Variants in KCNIP4 observed in about 807,000 individuals in gnomAD.
KCNIP4 encodes the protein potassium voltage-gated channel interacting protein 4, also known as Kv channel-interacting protein 4.
KCNIP4 carries 12 observed loss-of-function variants against 34.0 expected under a neutral mutation model. The ratio of observed to expected loss-of-function variants is 0.35; its 90% CI spans 0.23 to 0.57. The LOEUF (loss-of-function observed/expected upper bound fraction) is 0.57. Among genes scored for constraint, KCNIP4 ranks in the 20% least tolerant of loss-of-function variants. KCNIP4 has a pLI of 0.83. For missense variants in KCNIP4, 238 were observed against 311.7 expected, an observed-to-expected ratio of 0.76 and a Z score of 1.78; for synonymous variants, 124 against 102.2, an observed-to-expected ratio of 1.21 and a Z score of -1.29.
At chr4:20,771,177 A>G (rs141989180) in intron 3 of KCNIP4, among the ~76,000 whole-genome samples, 3 of 152,148 alleles carry the variant, frequency 2.0e-5, no homozygotes, top group East Asian at 1.9e-4. Flanking sequence ...AGATGACTGC[A>G]TGGAGATGAT....
chr4:21,646,498 C>T (rs772364290), intron 1 of KCNIP4, among the ~76,000 whole-genome samples: 1 of 152,172 alleles, frequency 6.6e-6, no homozygotes, highest in Non-Finnish European at 1.5e-5. Flanking sequence ...TATATTGAAT[C>T]GCTATAGAAT....
intron 1 of KCNIP4, among the ~76,000 whole-genome samples, chr4:21,002,280 C>T (rs1315910574): frequency 6.6e-6 from 1 of 152,180 alleles, no homozygotes; most frequent in East Asian, 1.9e-4. Flanking sequence ...TTTCAATGTG[C>T]ATTCTGAAAG....
intron 1 of KCNIP4, among the ~76,000 whole-genome samples, chr4:20,979,491 C>T (rs1192833406): frequency 1.3e-5 from 2 of 151,522 alleles, no homozygotes; most frequent in African/African-American, 4.9e-5. Context: ...CTCCGCCTCC[C>T]GGGTTCACGC....
chr4:20,753,559 A>G (rs760243422), intron 4 of KCNIP4, among the ~76,000 whole-genome samples: 3 of 152,176 alleles, frequency 2.0e-5, no homozygotes, highest in Admixed American at 6.5e-5. Context: ...AATGAAATCA[A>G]TCTGGTTTAT....
intron 1 of KCNIP4, among the ~76,000 whole-genome samples, chr4:21,207,923 A>G (rs1756962185): frequency 6.8e-6 from 1 of 147,768 alleles, no homozygotes; most frequent in Admixed American, 6.8e-5. Flanking sequence ...GCTCACTGCA[A>G]CCTCCACCTC....
intron 1 of KCNIP4, chr4:21,303,937 A>G: frequency 6.2e-7 from 1 of 1,612,216 alleles, no homozygotes; most frequent in Non-Finnish European, 8.5e-7. Flanking sequence ...GACCACAGCC[A>G]CTGAGAAGTG....
chr4:21,614,776 A>C (rs1054570805), intron 1 of KCNIP4, among the ~76,000 whole-genome samples: 6 of 152,092 alleles, frequency 3.9e-5, no homozygotes, highest in African/African-American at 1.4e-4. Context: ...AACCCATCAA[A>C]AAAGCTGACA....
intron 1 of KCNIP4, among the ~76,000 whole-genome samples, chr4:21,608,632 T>G (rs572606941): frequency 2.0e-5 from 3 of 152,320 alleles, no homozygotes; most frequent in Admixed American, 2.0e-4. Context: ...CTTTATCACA[T>G]CTGCCAGGTC....
intron 1 of KCNIP4, among the ~76,000 whole-genome samples, chr4:21,338,199 A>C (rs1578097030): frequency 7.0e-6 from 1 of 141,928 alleles, no homozygotes; most frequent in East Asian, 2.2e-4. Context: ...CGGGAGGCGC[A>C]GTTTGCAGTG....
At chr4:21,592,442 T>C (rs926380725) in intron 1 of KCNIP4, among the ~76,000 whole-genome samples, 1 of 152,144 alleles carries the variant, frequency 6.6e-6, no homozygotes, top group Non-Finnish European at 1.5e-5. Flanking sequence ...ACAAGTTTTC[T>C]TAGACAAAAC....
chr4:21,191,918 A>G (rs1458657844), intron 1 of KCNIP4, among the ~76,000 whole-genome samples: 1 of 152,200 alleles, frequency 6.6e-6, no homozygotes, highest in Non-Finnish European at 1.5e-5. Context: ...TCTTACCACA[A>G]TAACATGACC....
At chr4:21,247,564 TATAGATATAAATAC>T (rs1760303189) in intron 1 of KCNIP4, among the ~76,000 whole-genome samples, 3 of 134,052 alleles carry the variant, frequency 2.2e-5, no homozygotes, top group African/African-American at 3.3e-5. Flanking sequence ...TATATATTTA[TATAGATATAAATAC>T]ATATATATAT....
intron 3 of KCNIP4, among the ~76,000 whole-genome samples, chr4:20,842,640 CT>C (rs1257698855): frequency 7.7e-5 from 10 of 129,872 alleles, no homozygotes; most frequent in African/African-American, 2.9e-4. Context: ...TAGGAACTGA[CT>C]GGTTTCTATT....
At chr4:21,432,827 A>G (rs1356719776) in intron 1 of KCNIP4, among the ~76,000 whole-genome samples, 1 of 152,196 alleles carries the variant, frequency 6.6e-6, no homozygotes, top group African/African-American at 2.4e-5. Context: ...AGAAGGTAAC[A>G]TGGACCAGGT....
At chr4:21,694,983 C>G (rs1712148144) in intron 1 of KCNIP4, among the ~76,000 whole-genome samples, 1 of 147,236 alleles carries the variant, frequency 6.8e-6, no homozygotes, top group Admixed American at 6.7e-5. Context: ...AAAAAATCAC[C>G]CAAGACATGT....
intron 1 of KCNIP4, among the ~76,000 whole-genome samples, chr4:21,218,182 A>G (rs1335676901): frequency 6.6e-6 from 1 of 151,376 alleles, no homozygotes; most frequent in Non-Finnish European, 1.5e-5. Flanking sequence ...TGCCTGGCTA[A>G]TTTTGTATTT....
At chr4:21,517,132 T>C (rs886168638) in intron 1 of KCNIP4, among the ~76,000 whole-genome samples, 8 of 152,010 alleles carry the variant, frequency 5.3e-5, no homozygotes, top group African/African-American at 1.9e-4. Context: ...AGCTGAAAAG[T>C]CTAACATAGA....
chr4:20,825,661 T>C (rs1717669345), intron 3 of KCNIP4, among the ~76,000 whole-genome samples: 1 of 152,162 alleles, frequency 6.6e-6, no homozygotes, highest in South Asian at 2.1e-4. Context: ...GACACACAGC[T>C]CCAGTGAGAG....
chr4:21,636,754 T>C (rs886187566), intron 1 of KCNIP4, among the ~76,000 whole-genome samples: 6 of 152,184 alleles, frequency 3.9e-5, no homozygotes, highest in African/African-American at 1.2e-4. Context: ...TTCTTCACAA[T>C]GGCAAATAAG....
Sources: allele counts gnomAD v4.1 joint callset (sites outside exome capture counted in the v4.1 genomes callset), GRCh38; gene constraint gnomAD v4.1.1; transcripts MANE v1.5; gene names NCBI Gene and HGNC (gene_info 2026-07-23, HGNC 2026-07-21).